Variants in ENOX2 observed in about 807,000 individuals in gnomAD.
ENOX2 encodes ecto-NOX disulfide-thiol exchanger 2.
A neutral mutation model predicts 45.0 loss-of-function variants in ENOX2; 36 were observed. That is an observed-to-expected ratio of 0.80 (90% CI 0.61 to 1.06). The LOEUF (loss-of-function observed/expected upper bound fraction) is 1.06, where lower values mean the gene tolerates loss of function less well. ENOX2 is among the 50% of genes least tolerant of loss of function. The probability of loss-of-function intolerance (pLI) is 0.00; values close to 1 mark genes in which losing one functional copy is unlikely to be tolerated. For synonymous variants in ENOX2, 174 were observed against 152.3 expected, an observed-to-expected ratio of 1.14 and a Z score of -1.05; for missense variants, 423 against 462.5, an observed-to-expected ratio of 0.91 and a Z score of 0.78.
At chrX:130,691,517 A>T (rs1396629662) in intron 4 of ENOX2, among the ~76,000 whole-genome samples, 1 of 112,243 alleles carries the variant, frequency 8.9e-6, no homozygotes, top group Admixed American at 9.4e-5. Context: ...GTAAAATAAG[A>T]GCACTATGGT....
intron 13 of ENOX2, among the ~76,000 whole-genome samples, chrX:130,631,089 C>T (rs2035695900): frequency 9.0e-6 from 1 of 111,465 alleles, no homozygotes; most frequent in Non-Finnish European, 1.9e-5. Flanking sequence ...TCCAGAGGCT[C>T]TCTGGAAAAG....
intron 2 of ENOX2, among the ~76,000 whole-genome samples, chrX:130,835,687 C>T (rs2077917614): frequency 9.0e-6 from 1 of 110,718 alleles, no homozygotes; most frequent in South Asian, 3.9e-4. Flanking sequence ...GTTTGTATGG[C>T]TTCAGGTGAG....
Position 130,775,533 on chromosome X carries a change from A to T in ENOX2, c.-39+8014T>A, listed in dbSNP as rs762008539. ...CACAGGCACCATCTTCTAGAGGTAG[A>T]CCTACAGGCCCATTTTGCTCTTCAT... is the stretch of plus-strand genomic sequence containing the variant. On this transcript the variant is annotated intron_variant, in intron 3 of 14. Coordinates refer to ENST00000394363, the MANE Select transcript of ENOX2 (RefSeq NM_006375.4). Among the ~76,000 whole-genome samples the T allele has an allele frequency of 1.5e-3, 172 of 111,458 alleles. 1 individual carries two copies. The highest frequency in any genetic ancestry group is 2.9e-3 in the Non-Finnish European group (153 of 53,044).
At chrX:130,812,950 C>A (rs923847859) in intron 2 of ENOX2, among the ~76,000 whole-genome samples, 2 of 111,868 alleles carry the variant, frequency 1.8e-5, no homozygotes, top group East Asian at 5.6e-4. Flanking sequence ...TATCCCTAAT[C>A]TGAAATTCTG....
intron 10 of ENOX2, among the ~76,000 whole-genome samples, chrX:130,644,426 A>G (rs1477744137): frequency 1.8e-5 from 2 of 112,595 alleles, no homozygotes; most frequent in Admixed American, 9.3e-5. Context: ...TGTCCACACA[A>G]AAATCTGCAC....
rs1450987631 is a variant in ENOX2 at position 130,824,979 on chromosome X, T to C, written c.-182-41289A>G. 2.7e-5 allele frequency among the ~76,000 whole-genome samples: 3 copies of C among 111,123 alleles called. No individual in the cohort carries two copies. In the East Asian group the frequency reaches 8.4e-4, roughly 31 times the overall value. ...TGGCAATATCTAGTAAAGTTGAAGATGCATACCTTCCGCAACCCAGCAACA... is the reference window on the plus strand; with the variant it reads ...TGGCAATATCTAGTAAAGTTGAAGACGCATACCTTCCGCAACCCAGCAACA... On this transcript the variant is annotated intron_variant, in intron 2 of 14. Coordinates refer to ENST00000394363, the MANE Select transcript of ENOX2 (RefSeq NM_006375.4).
chrX:130,798,297 G>A (rs2077166353), intron 2 of ENOX2, among the ~76,000 whole-genome samples: 1 of 112,420 alleles, frequency 8.9e-6, no homozygotes, highest in African/African-American at 3.2e-5. Flanking sequence ...AAGCTACCAG[G>A]TGATTCTAAT....
chrX:130,638,477 T>C (rs921718380), intron 10 of ENOX2, among the ~76,000 whole-genome samples: 5 of 107,548 alleles, frequency 4.6e-5, no homozygotes, highest in Non-Finnish European at 9.6e-5. Flanking sequence ...CACACGAATA[T>C]AGCATTGACT....
At chrX:130,701,450 G>A (rs5977352) in intron 4 of ENOX2, among the ~76,000 whole-genome samples, 6,174 of 110,698 alleles carry the variant, frequency 0.056, 394 homozygotes, top group African/African-American at 0.19. Flanking sequence ...TAAAAAACTC[G>A]TTACTTCCTT....
rs182351657 is a variant in ENOX2, at chrX:130,766,607, T to A, written c.-39+16940A>T. Among the ~76,000 whole-genome samples, 424 of 111,715 alleles carry A rather than the reference T, an allele frequency of 3.8e-3. 2 individuals are homozygous for A. The highest frequency in any genetic ancestry group is 0.013 in the African/African-American group (409 of 30,901). On this transcript the variant is annotated intron_variant, in intron 3 of 14. Coordinates refer to ENST00000394363, the MANE Select transcript of ENOX2 (RefSeq NM_006375.4). ...TTGAAATGTATACTCTTGTAATTGA[T>A]CTTGTATATATGGTGGGAGGCAGGT...
Position 130,625,418 on chromosome X carries a change from T to A in ENOX2, c.1642A>T (p.Met548Leu), listed in dbSNP as rs1428671465. ...TTGAAGGTATGCTGGAGTCTACCCA[T>A]GAGACACTCCACATCGCTGGTGCAG... Reference protein sequence around the residue: ...KICTSDVECLMGRLQHTFKQE... With the variant: ...KICTSDVECLLGRLQHTFKQE... The change falls in exon 15 of 15, where the codon ATG (methionine) becomes TTG (leucine). Residue 548 changes from methionine (M) to leucine (L), a missense_variant. Coordinates refer to ENST00000394363, the MANE Select transcript of ENOX2 (RefSeq NM_006375.4). The A allele has an allele frequency of 8.3e-7, 1 of 1,203,601 alleles. No homozygotes were observed. The highest frequency in any genetic ancestry group is 1.1e-6 in the Non-Finnish European group (1 of 889,810).
intron 2 of ENOX2, among the ~76,000 whole-genome samples, chrX:130,799,434 A>G (rs2077181873): frequency 9.0e-6 from 1 of 111,584 alleles, no homozygotes; most frequent in East Asian, 2.8e-4. Flanking sequence ...CCATTGTGGG[A>G]CTTCACCTTG....
intron 4 of ENOX2, among the ~76,000 whole-genome samples, chrX:130,692,364 C>T (rs962964050): frequency 5.3e-5 from 6 of 113,011 alleles, no homozygotes; most frequent in African/African-American, 1.9e-4. Flanking sequence ...ACCATTGCCA[C>T]TTATATTAGG....
At chrX:130,823,015 C>A (rs2077647679) in intron 2 of ENOX2, among the ~76,000 whole-genome samples, 1 of 111,694 alleles carries the variant, frequency 9.0e-6, no homozygotes, top group African/African-American at 3.3e-5. Context: ...CAAGGAGCAT[C>A]TGTAATGTAA....
intron 12 of ENOX2, among the ~76,000 whole-genome samples, chrX:130,632,373 G>C (rs1172529819): frequency 2.0e-5 from 1 of 51,150 alleles, no homozygotes; most frequent in African/African-American, 7.9e-5. Flanking sequence ...GCGGGGGGGG[G>C]GGGTGGTCCT....
Position 130,637,486 on chromosome X carries a change from G to A in ENOX2, c.1130-76C>T. Reference sequence around the variant, plus strand: ...TCATCTGGATATCACAAAAAGGTTGGTTCTTCCTCTTGATGAAGAACTTCA... The same window carrying A: ...TCATCTGGATATCACAAAAAGGTTGATTCTTCCTCTTGATGAAGAACTTCA... On this transcript the variant is annotated intron_variant, in intron 10 of 14. Coordinates refer to ENST00000394363, the MANE Select transcript of ENOX2 (RefSeq NM_006375.4). The A allele has an allele frequency of 8.6e-6, 8 of 932,088 alleles. No homozygotes were observed. The South Asian group carries it at 1.7e-4, about 20-fold the overall frequency. 76.8% of individuals were successfully genotyped at this position (932,088 alleles called of 1,213,427 possible). A position where few individuals can be genotyped will look rare whatever the true frequency, so the allele number is the denominator to read the frequency against.
chrX:130,758,655 C>T lies in ENOX2; in HGVS notation c.-39+24892G>A, dbSNP rs1033302396. ...ATTTTAAGAAACAGCCAAACTTTCT[C>T]CCCATGGCTATACCATTTTACATTC... On this transcript the variant is annotated intron_variant, in intron 3 of 14. Transcript: ENST00000394363. Among the ~76,000 whole-genome samples the T allele has an allele frequency of 1.9e-4, 21 of 112,133 alleles. No individual in the cohort carries two copies. In the Admixed American group the frequency reaches 2.0e-3, roughly 11 times the overall value.
At chrX:130,743,148 T>C (rs1055168860) in intron 3 of ENOX2, among the ~76,000 whole-genome samples, 56 of 111,067 alleles carry the variant, frequency 5.0e-4, no homozygotes, top group African/African-American at 1.6e-3. Flanking sequence ...AAGCGGAACA[T>C]AATATAAGAA....
intron 2 of ENOX2, among the ~76,000 whole-genome samples, chrX:130,847,882 G>C (rs2078137784): frequency 8.9e-6 from 1 of 111,932 alleles, no homozygotes; most frequent in African/African-American, 3.3e-5. Context: ...AATAACTTCA[G>C]ACAAGTTTTA....
Sources: gnomAD v4.1 joint callset for allele counts (sites outside exome capture counted in the v4.1 genomes callset) on GRCh38, gnomAD v4.1.1 for gene constraint, MANE v1.5 for transcripts, NCBI Gene and HGNC (gene_info 2026-07-23, HGNC 2026-07-21) for gene names.